The following KCNA2 variants were observed in gnomAD, a reference collection of about 807,000 sequenced individuals.
KCNA2 encodes the protein potassium channel, voltage gated shaker related subfamily A, member 2.
Under a neutral mutation model 33.4 loss-of-function variants are expected in KCNA2, and 11 were observed. The ratio of observed to expected loss-of-function variants is 0.33; its 90% CI spans 0.21 to 0.55. The LOEUF (loss-of-function observed/expected upper bound fraction) is 0.55. Among genes scored for constraint, KCNA2 ranks in the 20% least tolerant of loss-of-function variants. The pLI, the probability that KCNA2 is intolerant of heterozygous loss-of-function variation, is 0.93. For synonymous variants in KCNA2, 222 were observed against 231.3 expected, an observed-to-expected ratio of 0.96 and a Z score of 0.37; for missense variants, 291 against 621.6, an observed-to-expected ratio of 0.47 and a Z score of 5.66.
chr1:110,603,100 T>C lies in KCNA2; in HGVS notation c.*183A>G. ...CATAAGCCGGTGATGAGGATGTGCA[T>C]GAAAGCCATGATAGATATTCTGTGT... On this transcript the variant is annotated 3_prime_UTR_variant, in exon 3 of 3. Transcript: ENST00000316361. This position sits in a 1 kb window ranked among gnomAD's most constrained non-coding sequence, Gnocchi z 5.7. 7.0e-7 allele frequency: 1 copy of C among 1,419,362 alleles called. No individual in the cohort carries two copies. The highest frequency in any genetic ancestry group is 9.1e-7 in the Non-Finnish European group (1 of 1,093,226). The allele number at this position is 1,419,362 out of a possible 1,614,324, so 87.9% of individuals were successfully genotyped here.
chr1:110,625,562 C>T (rs1650367466), intron 1 of KCNA2, among the ~76,000 whole-genome samples: 1 of 152,078 alleles, frequency 6.6e-6, no homozygotes, highest in African/African-American at 2.4e-5. Context: ...ATATATGACT[C>T]ATAAAACTAA....
chr1:110,617,563 T>C (rs1156638160), intron 1 of KCNA2, among the ~76,000 whole-genome samples: 1 of 152,134 alleles, frequency 6.6e-6, no homozygotes, highest in African/African-American at 2.4e-5. Flanking sequence ...GGCAGGAAAC[T>C]GGTAAGGAGG....
intron 1 of KCNA2, among the ~76,000 whole-genome samples, chr1:110,621,711 T>C (rs1188026969): frequency 1.3e-5 from 2 of 152,130 alleles, no homozygotes; most frequent in Non-Finnish European, 2.9e-5. Context: ...TCTAAACAAC[T>C]CTATGACAAT....
At chr1:110,606,042 C>G (rs193085300) in intron 1 of KCNA2, 186 bp downstream of exon 1, 8 of 152,648 alleles carry the variant, frequency 5.2e-5, no homozygotes, top group South Asian at 2.1e-4. Context: ...CTCCTACCCC[C>G]ACATGTCAGG....
chr1:110,623,104 TG>T (rs1383461265), intron 1 of KCNA2, among the ~76,000 whole-genome samples: 4 of 152,216 alleles, frequency 2.6e-5, no homozygotes, highest in African/African-American at 9.6e-5. Flanking sequence ...AATGTGGTAT[TG>T]GTGTCAAGAT....
intron 1 of KCNA2, among the ~76,000 whole-genome samples, chr1:110,631,187 T>C (rs1650549843): frequency 6.6e-6 from 1 of 152,144 alleles, no homozygotes; most frequent in Non-Finnish European, 1.5e-5. Flanking sequence ...TCCATTCCAT[T>C]ACTGATCCCC....
Position 110,597,944 on chromosome 1 carries a change from C to T in KCNA2, c.*5339G>A. 1.0e-6 allele frequency: 1 copy of T among 985,392 alleles called. No homozygotes were observed. Among genetic ancestry groups the T allele is most frequent in the Non-Finnish European group, 1.2e-6 (1 of 829,924 alleles). 61.0% of individuals were successfully genotyped at this position (985,392 alleles called of 1,614,324 possible). A position where few individuals can be genotyped will look rare whatever the true frequency, so the allele number is the denominator to read the frequency against. Reference sequence around the variant, plus strand: ...CTTCCTGCATGTAGGGGAGCCCCTACCTCCATCTGTCCCTGCTGGTTGCTT... The same window carrying T: ...CTTCCTGCATGTAGGGGAGCCCCTATCTCCATCTGTCCCTGCTGGTTGCTT... On this transcript the variant is annotated 3_prime_UTR_variant, in exon 3 of 3. Transcript: ENST00000316361.
rs967699445 is a variant in KCNA2, at chr1:110,620,041, A to AGAGAGC, written c.-496+11348_-496+11353dup. Among the ~76,000 whole-genome samples the AGAGAGC allele has an allele frequency of 4.8e-3, 657 of 137,566 alleles. 4 individuals carry two copies. The highest frequency in any genetic ancestry group is 0.017 in the African/African-American group (622 of 35,924). The allele number at this position is 137,566 out of a possible 152,430, so 90.2% of individuals were successfully genotyped here. ...TCCTGAGAGCAGCTTAATGAGAGAG[A>AGAGAGC]GAGAGCGAGAGCGAGAGAGAGAGAG... is the stretch of plus-strand genomic sequence containing the variant. On this transcript the variant is annotated intron_variant, in intron 1 of 4. Transcript: ENST00000369770.
Position 110,597,583 on chromosome 1 carries a change from T to C in KCNA2, c.*5700A>G. ...AGGCCTTCCTTGTGCATACACTGCATCTTAGCATATGTGTCCATTCCAGAA... is the reference window on the plus strand; with the variant it reads ...AGGCCTTCCTTGTGCATACACTGCACCTTAGCATATGTGTCCATTCCAGAA... On this transcript the variant is annotated 3_prime_UTR_variant, in exon 3 of 3. Coordinates refer to ENST00000316361, the MANE Select transcript of KCNA2 (RefSeq NM_004974.4). 1 of 985,442 alleles carries C rather than the reference T, an allele frequency of 1.0e-6. No individual in the cohort carries two copies. Among genetic ancestry groups the C allele is most frequent in the Non-Finnish European group, 1.2e-6 (1 of 829,954 alleles). 61.0% of individuals were successfully genotyped at this position (985,442 alleles called of 1,614,324 possible).
upstream of KCNA2, among the ~76,000 whole-genome samples, chr1:110,611,018 G>GAGGAAGGAAGGAAGGAAGGAAGGAAGGA (rs59353690): frequency 7.6e-5 from 11 of 144,250 alleles, no homozygotes; most frequent in South Asian, 2.3e-4. Context: ...AAGACAGAAT[G>GAGGAAGGAAGGAAGGAAGGAAGGAAGGA]AGGAAGGAAG....
Position 110,594,297 on chromosome 1 carries a change from A to C in KCNA2, c.*8986T>G, listed in dbSNP as rs560311670. The C allele has an allele frequency of 9.8e-3, 9,094 of 927,414 alleles. 94 individuals carry two copies. The highest frequency in any genetic ancestry group is 0.049 in the African/African-American group (2,610 of 52,738). 57.4% of individuals were successfully genotyped at this position (927,414 alleles called of 1,614,324 possible). On this transcript the variant is annotated 3_prime_UTR_variant, in exon 3 of 3. Coordinates refer to ENST00000316361, the MANE Select transcript of KCNA2 (RefSeq NM_004974.4). ...ATTTCCTCTCTCTCTCTCTCTCTATATATATATATACATATATATATATAT... is the reference window on the plus strand; with the variant it reads ...ATTTCCTCTCTCTCTCTCTCTCTATCTATATATATACATATATATATATAT...
rs1047830702 is a variant in KCNA2, at chr1:110,600,499, T to A, written c.*2784A>T. 3.0e-6 allele frequency: 3 copies of A among 985,172 alleles called. No individual in the cohort carries two copies. The highest frequency in any genetic ancestry group is 3.6e-6 in the Non-Finnish European group (3 of 829,786). 61.0% of individuals were successfully genotyped at this position (985,172 alleles called of 1,614,324 possible). On this transcript the variant is annotated 3_prime_UTR_variant, in exon 3 of 3. Transcript: ENST00000316361. ...TTTTATATACAATTATAACCATATA[T>A]CTTCTGTGTTTGCTTTTATGTTAAC... is the stretch of plus-strand genomic sequence containing the variant.
At position 110,601,828 on chromosome 1, in the gene KCNA2, G is replaced by GTATA. The variant is rs1553181014; in HGVS notation, c.*1451_*1454dup. On this transcript the variant is annotated 3_prime_UTR_variant, in exon 3 of 3. Transcript: ENST00000316361. Reference sequence around the variant, plus strand: ...TGTGTGTGTGTGTGTGTGTGTGTGTGTATACATATACACACATATGTATGT... The same window carrying GTATA: ...TGTGTGTGTGTGTGTGTGTGTGTGTGTATATATACATATACACACATATGTATGT... 5 of 1,241,024 alleles carry GTATA rather than the reference G, an allele frequency of 4.0e-6. No homozygotes were observed. The South Asian group carries it at 7.4e-5, about 18-fold the overall frequency. The allele number at this position is 1,241,024 out of a possible 1,614,324, so 76.9% of individuals were successfully genotyped here. A position where few individuals can be genotyped will look rare whatever the true frequency, so the allele number is the denominator to read the frequency against.
upstream of KCNA2, chr1:110,606,852 T>C (rs987152918): frequency 1.3e-5 from 2 of 152,296 alleles, no homozygotes; most frequent in African/African-American, 4.8e-5. Flanking sequence ...GCAAAGCCGT[T>C]TGTTATTCTG....
chr1:110,596,294 A>G lies in KCNA2; in HGVS notation c.*6989T>C, dbSNP rs1040263096. ...TGAAACTAAGGAGATTGGTCAATGTATAATTCTATAATTTAAAAATAGTAT... is the reference window on the plus strand; with the variant it reads ...TGAAACTAAGGAGATTGGTCAATGTGTAATTCTATAATTTAAAAATAGTAT... On this transcript the variant is annotated 3_prime_UTR_variant, in exon 3 of 3. Coordinates refer to ENST00000316361, the MANE Select transcript of KCNA2 (RefSeq NM_004974.4). 1.4e-5 allele frequency: 12 copies of G among 878,492 alleles called. No individual in the cohort carries two copies. Among genetic ancestry groups the G allele is most frequent in the Non-Finnish European group, 1.6e-5 (12 of 733,074 alleles). The allele number at this position is 878,492 out of a possible 1,614,324, so 54.4% of individuals were successfully genotyped here. A position where few individuals can be genotyped will look rare whatever the true frequency, so the allele number is the denominator to read the frequency against.
At chr1:110,617,293 G>A (rs1013530195) in intron 1 of KCNA2, among the ~76,000 whole-genome samples, 1 of 152,218 alleles carries the variant, frequency 6.6e-6, no homozygotes, top group African/African-American at 2.4e-5. Context: ...ACAGACCAGA[G>A]AAGCAGCCTC....
chr1:110,611,018 G>GAGGGAGGA (rs1649848243), upstream of KCNA2, among the ~76,000 whole-genome samples: 1 of 144,142 alleles, frequency 6.9e-6, no homozygotes, highest in African/African-American at 2.6e-5. Context: ...AAGACAGAAT[G>GAGGGAGGA]AGGAAGGAAG....
intron 1 of KCNA2, among the ~76,000 whole-genome samples, chr1:110,624,183 C>T (rs1269685195): frequency 6.6e-6 from 1 of 152,192 alleles, no homozygotes; most frequent in African/African-American, 2.4e-5. Flanking sequence ...CACACAAAGA[C>T]TTATATGAGA....
chr1:110,617,215 C>G (rs1310626356), intron 1 of KCNA2, among the ~76,000 whole-genome samples: 3 of 152,172 alleles, frequency 2.0e-5, no homozygotes, highest in African/African-American at 7.2e-5. Flanking sequence ...ACACTGGGAG[C>G]TTAATACATA....
Sources: allele counts gnomAD v4.1 joint callset (sites outside exome capture counted in the v4.1 genomes callset), GRCh38; gene constraint gnomAD v4.1.1; non-coding constraint Gnocchi (gnomAD v3.1); transcripts MANE v1.5; gene names NCBI Gene and HGNC (gene_info 2026-07-23, HGNC 2026-07-21).